Variants in PPP2R2A observed in about 807,000 individuals in gnomAD.
The protein encoded by PPP2R2A is serine/threonine-protein phosphatase 2A 55 kDa regulatory subunit B alpha isoform.
PPP2R2A carries 9 observed loss-of-function variants against 53.2 expected under a neutral mutation model. The ratio of observed to expected loss-of-function variants is 0.17; its 90% CI spans 0.10 to 0.30. The LOEUF is 0.30. Ranked by LOEUF, PPP2R2A falls within the 10% of genes least tolerant of loss-of-function variation. PPP2R2A has a pLI of 1.00. For missense variants in PPP2R2A, 235 were observed against 534.6 expected, an observed-to-expected ratio of 0.44 and a Z score of 5.53; for synonymous variants, 169 against 174.2, an observed-to-expected ratio of 0.97 and a Z score of 0.23.
rs1029715378 is a variant in PPP2R2A, at chr8:26,354,099, A to G, written c.181-369A>G. ...TGCCTCACCTAGCTCTTTCTGGGCAAGACTTTATCATTATTTTTAGATGAA... is the reference window on the plus strand; with the variant it reads ...TGCCTCACCTAGCTCTTTCTGGGCAGGACTTTATCATTATTTTTAGATGAA... On this transcript the variant is annotated intron_variant, in intron 3 of 9. Transcript: ENST00000380737. The surrounding 1 kb of genome is among the most constrained non-coding windows in gnomAD (Gnocchi z 4.6). Among the ~76,000 whole-genome samples, 1 of 152,180 alleles carries G rather than the reference A, an allele frequency of 6.6e-6. No individual in the cohort carries two copies. Among genetic ancestry groups the G allele is most frequent in the African/African-American group, 2.4e-5 (1 of 41,432 alleles).
chr8:26,368,902 T>G (rs1312761604), intron 9 of PPP2R2A, among the ~76,000 whole-genome samples: 2 of 151,902 alleles, frequency 1.3e-5, no homozygotes, highest in South Asian at 4.2e-4. Flanking sequence ...GTCAGGAGAT[T>G]GAGACCATCC....
chr8:26,339,219 C>T (rs3808572), intron 3 of PPP2R2A, among the ~76,000 whole-genome samples: 2 of 152,106 alleles, frequency 1.3e-5, no homozygotes, highest in African/African-American at 2.4e-5. Context: ...TGTAAAAATA[C>T]TTGATTAGAG....
intron 4 of PPP2R2A, among the ~76,000 whole-genome samples, chr8:26,359,603 A>C (rs1804971618): frequency 6.6e-6 from 1 of 151,720 alleles, no homozygotes; most frequent in Non-Finnish European, 1.5e-5. Context: ...AGTTTTCTTC[A>C]GGCCCTGTTT....
chr8:26,354,287 CGTTAA>C lies in PPP2R2A; in HGVS notation c.181-177_181-173del, dbSNP rs1390527407. On this transcript the variant is annotated intron_variant, in intron 3 of 9. Coordinates refer to ENST00000380737, the MANE Select transcript of PPP2R2A (RefSeq NM_002717.4). This position sits in a 1 kb window ranked among gnomAD's most constrained non-coding sequence, Gnocchi z 4.6. The stretch of plus-strand genomic sequence containing the variant: ...TTCAGCTTTATTTAGCCTTTTCCCC[CGTTAA>C]GTTTTCTCATTTAATCCTTGAAGGC... 2.1e-5 allele frequency: 8 copies of C among 380,730 alleles called. No homozygotes were observed. Among genetic ancestry groups the C allele is most frequent in the African/African-American group, 4.2e-5 (2 of 48,042 alleles). The allele number at this position is 380,730 out of a possible 1,614,324, so 23.6% of individuals were successfully genotyped here. A position where few individuals can be genotyped will look rare whatever the true frequency, so the allele number is the denominator to read the frequency against.
In PPP2R2A at chr8:26,292,235, T is replaced by C. The variant is rs1041538071; in HGVS notation, c.7+409T>C. On this transcript the variant is annotated intron_variant, in intron 1 of 9. Coordinates refer to ENST00000380737, the MANE Select transcript of PPP2R2A (RefSeq NM_002717.4). ...ATTTAATTTCTATTTTTCCCCCTGC[T>C]GCAAGCCTTCTTGGGTGTATATACA... is the stretch of plus-strand genomic sequence containing the variant. The C allele has an allele frequency of 4.1e-5, 43 of 1,046,900 alleles. No homozygotes were observed. In the African/African-American group the frequency reaches 6.5e-4, roughly 16 times the overall value. 64.9% of individuals were successfully genotyped at this position (1,046,900 alleles called of 1,614,324 possible). A position where few individuals can be genotyped will look rare whatever the true frequency, so the allele number is the denominator to read the frequency against.
At chr8:26,368,811 A>T (rs970934286) in intron 9 of PPP2R2A, among the ~76,000 whole-genome samples, 12 of 152,070 alleles carry the variant, frequency 7.9e-5, no homozygotes, top group Admixed American at 7.9e-4. Context: ...TGTCTTGAAA[A>T]ATACATATAT....
In PPP2R2A at chr8:26,293,680, A is replaced by G; in HGVS notation, c.22A>G (p.Asn8Asp). The change falls in exon 2 of 10, where the codon AAT (asparagine) becomes GAT (aspartate). Residue 8 changes from asparagine to aspartate, a missense_variant. By Grantham distance (23) the Asn-to-Asp change is conservative. Coordinates refer to ENST00000380737, the MANE Select transcript of PPP2R2A (RefSeq NM_002717.4). The part of the protein sequence containing the change: MAGAGGG[N>D]DIQWCFSQVK... ...TCTTTTTCCAGGAGCTGGAGGAGGG[A>G]ATGATATTCAGTGGTGTTTTTCTCA... 6.2e-7 allele frequency: 1 copy of G among 1,612,512 alleles called. No individual in the cohort carries two copies. Among genetic ancestry groups the G allele is most frequent in the Non-Finnish European group, 8.5e-7 (1 of 1,179,410 alleles).
intron 4 of PPP2R2A, among the ~76,000 whole-genome samples, chr8:26,355,859 G>A (rs1375043609): frequency 6.9e-5 from 8 of 116,410 alleles, no homozygotes; most frequent in African/African-American, 2.7e-4. Context: ...AACAGAGCGA[G>A]ACTCGTCTCA....
intron 2 of PPP2R2A, among the ~76,000 whole-genome samples, chr8:26,326,300 C>G (rs1056709111): frequency 6.6e-6 from 1 of 152,224 alleles, no homozygotes; most frequent in African/African-American, 2.4e-5. Flanking sequence ...TCCTTCACTT[C>G]AGTTTGAGCA....
intron 2 of PPP2R2A, among the ~76,000 whole-genome samples, chr8:26,317,652 T>C (rs938203069): frequency 2.0e-5 from 3 of 152,220 alleles, no homozygotes; most frequent in African/African-American, 7.2e-5. Flanking sequence ...TCCCAGTTTT[T>C]TGAACCAGTA....
In PPP2R2A at chr8:26,338,917, A is replaced by G. The variant is rs1455782468; in HGVS notation, c.110A>G (p.Asn37Ser). Residue 37 changes from asparagine (N) to serine (S), a missense_variant, in exon 3 of 10, where the codon AAT becomes AGT. Physicochemically the swap from Asn to Ser is conservative, Grantham distance 46 (BLOSUM62 1). Transcript: ENST00000380737. The surrounding 1 kb of genome is among the most constrained non-coding windows in gnomAD (Gnocchi z 4.5). The part of the protein sequence containing the change: ...EADIISTVEF[N>S]HSGELLATGD... ...GATATAATTTCTACAGTAGAATTTA[A>G]TCATTCTGGAGAATTACTAGCAACA... 6.2e-7 allele frequency: 1 copy of G among 1,602,064 alleles called. No individual in the cohort carries two copies. The highest frequency in any genetic ancestry group is 8.6e-7 in the Non-Finnish European group (1 of 1,169,550).
intron 3 of PPP2R2A, among the ~76,000 whole-genome samples, chr8:26,346,833 A>G (rs1277152506): frequency 6.6e-6 from 1 of 152,210 alleles, no homozygotes; most frequent in Non-Finnish European, 1.5e-5. Context: ...TCTTATTAGA[A>G]TGTTACCAGT....
chr8:26,361,786 C>G (rs1413999470), intron 6 of PPP2R2A, among the ~76,000 whole-genome samples: 8 of 151,844 alleles, frequency 5.3e-5, no homozygotes, highest in Non-Finnish European at 1.2e-4. Flanking sequence ...ATAGTGAAAC[C>G]CCGTCTCTCC....
At chr8:26,314,898 C>A (rs955908504) in intron 2 of PPP2R2A, among the ~76,000 whole-genome samples, 5 of 146,758 alleles carry the variant, frequency 3.4e-5, no homozygotes, top group East Asian at 4.0e-4. Context: ...TCCCCCCCCC[C>A]CCCCCAACTA....
At chr8:26,348,599 T>G (rs1804341336) in intron 3 of PPP2R2A, among the ~76,000 whole-genome samples, 1 of 152,204 alleles carries the variant, frequency 6.6e-6, no homozygotes, top group Admixed American at 6.5e-5. Context: ...GAAAAAAATG[T>G]GAAATCTGAA....
rs779914915 is a variant in PPP2R2A at position 26,362,878 on chromosome 8, A to C, written c.802+30A>C. 1.9e-6 allele frequency: 3 copies of C among 1,590,794 alleles called. No individual in the cohort carries two copies. The South Asian group carries it at 3.3e-5, about 18-fold the overall frequency. ...GTTTATTGTATCTTTCCTTAAAATG[A>C]TTACATATTCTGTTTGTCTGAAATA... On this transcript the variant is annotated intron_variant, in intron 7 of 9. Coordinates refer to ENST00000380737, the MANE Select transcript of PPP2R2A (RefSeq NM_002717.4). The surrounding 1 kb of genome is among the most constrained non-coding windows in gnomAD (Gnocchi z 4.4).
At chr8:26,329,690 T>C (rs188904515) in intron 2 of PPP2R2A, among the ~76,000 whole-genome samples, 20 of 152,334 alleles carry the variant, frequency 1.3e-4, no homozygotes, top group Admixed American at 1.3e-3. Context: ...ATGTTCGTGA[T>C]GCTGGAAAAA....
chr8:26,329,324 A>G (rs1238869217), intron 2 of PPP2R2A, among the ~76,000 whole-genome samples: 1 of 152,000 alleles, frequency 6.6e-6, no homozygotes, highest in Admixed American at 6.6e-5. Context: ...TATATTTTTT[A>G]GGTGTCTATC....
intron 2 of PPP2R2A, among the ~76,000 whole-genome samples, chr8:26,315,173 T>TG (rs1178072617): frequency 6.6e-6 from 1 of 152,172 alleles, no homozygotes; most frequent in Non-Finnish European, 1.5e-5. Flanking sequence ...ATTGGTAGAC[T>TG]GGTATCTGGG....
Sources: gnomAD v4.1 joint callset for allele counts (sites outside exome capture counted in the v4.1 genomes callset) on GRCh38, gnomAD v4.1.1 for gene constraint, Gnocchi (gnomAD v3.1) non-coding constraint, MANE v1.5 for transcripts, NCBI Gene and HGNC (gene_info 2026-07-23, HGNC 2026-07-21) for gene names.